The following MACF1 variants were observed in gnomAD, a reference collection of about 807,000 sequenced individuals.
The protein encoded by MACF1 is microtubule actin crosslinking factor 1.
A neutral mutation model predicts 854.8 loss-of-function variants in MACF1; 193 were observed. The observed-to-expected ratio is 0.23, with a 90% CI of 0.20 to 0.25. MACF1 has a LOEUF of 0.25. Ranked by LOEUF, MACF1 falls within the 10% of genes least tolerant of loss-of-function variation. The pLI is 1.00. For missense variants in MACF1, 7,722 were observed against 8,929.1 expected (o/e 0.86, Z 5.45); for synonymous variants, 3,185 against 3,226.7 (o/e 0.99, Z 0.44).
At position 39,435,665 on chromosome 1, in the gene MACF1, A is replaced by G; in HGVS notation, c.17892A>G (p.Glu5964=). ...LNPEEGEMVE[E]KYQKAENMYA... is the part of the protein sequence containing the mutation. ...CTGAGGAAGGGGAAATGGTGGAAGA[A>G]AAATACCAGAAAGCAGAAAACATGT... The change falls in exon 70 of 101, where the codon GAA becomes GAG. Residue 5964 remains glutamate, a synonymous_variant. Transcript: ENST00000564288. The G allele has an allele frequency of 6.2e-7, 1 of 1,614,248 alleles. No homozygotes were observed. The highest frequency in any genetic ancestry group is 8.5e-7 in the Non-Finnish European group (1 of 1,180,044).
chr1:39,266,619 T>C (rs370884505), intron 6 of MACF1, among the ~76,000 whole-genome samples: 416 of 148,048 alleles, frequency 2.8e-3, no homozygotes, highest in Non-Finnish European at 5.3e-3. Context: ...TTTTTTTTTT[T>C]CAGGTCTCCA....
At chr1:39,476,765 CAT>C (rs963598371) in intron 97 of MACF1, among the ~76,000 whole-genome samples, 6 of 151,722 alleles carry the variant, frequency 4.0e-5, no homozygotes, top group African/African-American at 1.5e-4. Context: ...TTGCATGAGA[CAT>C]GTAGGGCATG....
intron 6 of MACF1, among the ~76,000 whole-genome samples, chr1:39,263,708 GT>G (rs1396440096): frequency 6.8e-6 from 1 of 147,662 alleles, no homozygotes; most frequent in Non-Finnish European, 1.5e-5. Flanking sequence ...TTGCTTGTAT[GT>G]CTTTATATTT....
In MACF1 at chr1:39,379,597, C is replaced by T. The variant is rs72661964; in HGVS notation, c.13518+153C>T. Among the ~76,000 whole-genome samples, 589 of 152,248 alleles carry T rather than the reference C, an allele frequency of 3.9e-3. 3 individuals carry two copies. The highest frequency in any genetic ancestry group is 6.1e-3 in the Non-Finnish European group (417 of 68,038). On this transcript the variant is annotated intron_variant, in intron 54 of 100. Transcript: ENST00000564288. Reference sequence around the variant, plus strand: ...TTTGACATTCTAAATGATTAATATGCCTTAACTCTCCTAGAGAATTTTCTT... The same window carrying T: ...TTTGACATTCTAAATGATTAATATGTCTTAACTCTCCTAGAGAATTTTCTT...
At chr1:39,197,408 G>C (rs945168850) in intron 2 of MACF1, among the ~76,000 whole-genome samples, 1 of 152,104 alleles carries the variant, frequency 6.6e-6, no homozygotes, top group Non-Finnish European at 1.5e-5. Flanking sequence ...TGGTATTTGA[G>C]TACTTTGGAT....
intron 58 of MACF1, among the ~76,000 whole-genome samples, chr1:39,401,862 A>T (rs972914432): frequency 2.6e-5 from 4 of 152,222 alleles, no homozygotes; most frequent in African/African-American, 9.6e-5. Flanking sequence ...AATGAAAGAG[A>T]TGGTTTTTAG....
At chr1:39,443,616 T>G (rs1485443130) in intron 79 of MACF1, 42 bp downstream of exon 79, 1 of 1,554,800 alleles carries the variant, frequency 6.4e-7, no homozygotes, top group African/African-American at 1.4e-5. Flanking sequence ...CATCCCATAT[T>G]CACTAGCTCC....
In MACF1 at chr1:39,335,152, C is replaced by T; in HGVS notation, c.8564C>T (p.Pro2855Leu). Reference sequence around the variant, plus strand: ...TTTGGGTGCAAGGATCAACGTAAGCCAAGAATGTCTTCAGATGCTAAAGAA... The same window carrying T: ...TTTGGGTGCAAGGATCAACGTAAGCTAAGAATGTCTTCAGATGCTAAAGAA... ...KEFGCKDQRK[P>L]RMSSDAKEFI... is the part of the protein sequence containing the mutation. Residue 2855 changes from proline (P) to leucine (L), a missense_variant, in exon 37 of 101, where the codon CCA becomes CTA. Physicochemically the swap from Pro to Leu is moderately conservative, Grantham distance 98 (BLOSUM62 -3). Coordinates refer to ENST00000564288, the MANE Select transcript of MACF1 (RefSeq NM_001394062.1). The T allele has an allele frequency of 1.2e-6, 2 of 1,613,966 alleles. No homozygotes were observed. Among genetic ancestry groups the T allele is most frequent in the Non-Finnish European group, 1.7e-6 (2 of 1,179,958 alleles).
chr1:39,330,703 G>A (rs1646706127), intron 36 of MACF1, among the ~76,000 whole-genome samples: 1 of 151,974 alleles, frequency 6.6e-6, no homozygotes, highest in Admixed American at 6.6e-5. Context: ...CTCTTTTTTA[G>A]TCTTAACACC....
intron 2 of MACF1, among the ~76,000 whole-genome samples, chr1:39,163,349 AAAAAAAAAAAAGAAAAG>A (rs1159379341): frequency 6.7e-6 from 1 of 148,848 alleles, no homozygotes; most frequent in African/African-American, 2.4e-5. Context: ...TCAAAAAAAA[AAAAAAAAAAAAGAAAAG>A]AAAAGAAAAA....
Position 39,436,488 on chromosome 1 carries a change from G to C in MACF1, c.17988+727G>C. 1 of 1,613,962 alleles carries C rather than the reference G, an allele frequency of 6.2e-7. No individual in the cohort carries two copies. The highest frequency in any genetic ancestry group is 8.5e-7 in the Non-Finnish European group (1 of 1,179,886). On this transcript the variant is annotated intron_variant, in intron 70 of 100. Coordinates refer to ENST00000564288, the MANE Select transcript of MACF1 (RefSeq NM_001394062.1). ...ACCGCGCCCACCATTACAGATTACA[G>C]AGGTAAGGTACCCATCCCCATTGGG... is the stretch of plus-strand genomic sequence containing the variant.
intron 99 of MACF1, 116 bp downstream of exon 99, chr1:39,481,146 G>C (rs1437170979): frequency 1.6e-6 from 1 of 615,584 alleles, no homozygotes; most frequent in African/African-American, 1.9e-5. Flanking sequence ...TGTGGTGCTT[G>C]CTGTCACAGC....
chr1:39,431,668 G>T (rs764659255), intron 66 of MACF1, among the ~76,000 whole-genome samples: 3 of 152,166 alleles, frequency 2.0e-5, no homozygotes, highest in Non-Finnish European at 4.4e-5. Flanking sequence ...TGAAGAGGAA[G>T]AGATAAAAGA....
chr1:39,359,363 C>T, intron 47 of MACF1, 99 bp downstream of exon 47: 1 of 1,352,504 alleles, frequency 7.4e-7, no homozygotes, highest in Non-Finnish European at 1.0e-6. Context: ...TCTGTGGTGC[C>T]AGGCTAGAGG....
At chr1:39,427,699 G>A in intron 62 of MACF1, 85 bp downstream of exon 62, 1 of 1,376,770 alleles carries the variant, frequency 7.3e-7, no homozygotes, top group East Asian at 2.3e-5. Flanking sequence ...CATTCTAGAG[G>A]ATGTGTGTTT....
Position 39,368,170 on chromosome 1 carries a change from AC to A in MACF1, c.12796del (p.Gln4266AsnfsTer5). The A allele has an allele frequency of 6.2e-7, 1 of 1,614,052 alleles. No individual in the cohort carries two copies. The highest frequency in any genetic ancestry group is 8.5e-7 in the Non-Finnish European group (1 of 1,180,004). ...CAGGAGCTCAATTTGGAAATGGAAG[AC>A]CAACAGGAGAACCTAGATACTCTTG... ...QIQELNLEME[D>X]QQENLDTLEH... On this transcript the variant is annotated frameshift_variant, in exon 50 of 101. Transcript: ENST00000564288. LOFTEE classifies it high-confidence loss of function.
intron 1 of MACF1, among the ~76,000 whole-genome samples, chr1:39,221,213 G>A (rs1028660724): frequency 5.9e-5 from 9 of 152,124 alleles, no homozygotes; most frequent in African/African-American, 1.7e-4. Flanking sequence ...TTGAACCACC[G>A]AAAACGTAGT....
intron 23 of MACF1, among the ~76,000 whole-genome samples, chr1:39,303,413 T>C (rs1244298440): frequency 6.6e-6 from 1 of 152,098 alleles, no homozygotes; most frequent in African/African-American, 2.4e-5. Context: ...TAGCTGGATG[T>C]GGTGGTGCAC....
intron 99 of MACF1, among the ~76,000 whole-genome samples, chr1:39,483,150 A>G (rs572290433): frequency 1.3e-5 from 2 of 151,586 alleles, no homozygotes; most frequent in African/African-American, 4.9e-5. Context: ...CCTCCAGTTA[A>G]GCCTACTATC....
Sources: allele counts gnomAD v4.1 joint callset (sites outside exome capture counted in the v4.1 genomes callset), GRCh38; gene constraint gnomAD v4.1.1; transcripts MANE v1.5; gene names NCBI Gene and HGNC (gene_info 2026-07-23, HGNC 2026-07-21).